Variants in MTSS1 observed in about 807,000 individuals in gnomAD.
MTSS1 encodes the protein protein MTSS 1.
Under a neutral mutation model 79.0 loss-of-function variants are expected in MTSS1, and 18 were observed. The observed-to-expected ratio is 0.23, with a 90% CI of 0.16 to 0.34. The LOEUF is 0.34. Among genes scored for constraint, MTSS1 ranks in the 10% least tolerant of loss-of-function variants. The pLI is 1.00. For synonymous variants in MTSS1, 341 were observed against 368.6 expected (o/e 0.93, Z 0.86); for missense variants, 815 against 986.2 (o/e 0.83, Z 2.33).
chr8:124,685,005 C>T (rs1826726694), intron 3 of MTSS1, among the ~76,000 whole-genome samples: 4 of 152,076 alleles, frequency 2.6e-5, no homozygotes, highest in Admixed American at 2.6e-4. Flanking sequence ...GGAGTAACTG[C>T]TTAATGAGTA....
chr8:124,726,946 G>A (rs530031425), intron 1 of MTSS1, among the ~76,000 whole-genome samples: 139 of 152,276 alleles, frequency 9.1e-4, no homozygotes, highest in Admixed American at 1.5e-3. Context: ...CAGCTCGCGC[G>A]GCTGGTTTTA....
chr8:124,591,372 T>G, intron 3 of MTSS1, 137 bp from the exon 4 acceptor site: 1 of 680,392 alleles, frequency 1.5e-6, no homozygotes. Context: ...CTTCTCACCA[T>G]GCCCATGTGT....
rs115121434 is a variant in MTSS1 at position 124,688,776 on chromosome 8, C to G, written c.208+10750G>C. 2.3e-3 allele frequency among the ~76,000 whole-genome samples: 344 copies of G among 152,306 alleles called. 1 individual carries two copies. Among genetic ancestry groups the G allele is most frequent in the African/African-American group, 8.0e-3 (332 of 41,574 alleles). On this transcript the variant is annotated intron_variant, in intron 3 of 13. Transcript: ENST00000518547. ...GAAACCAAGAAGTCAGAGCCAACAA[C>G]TGCTTAGGTGGTTTTTAAGGGAAAT...
intron 3 of MTSS1, among the ~76,000 whole-genome samples, chr8:124,670,374 C>T (rs113508816): frequency 1.2e-4 from 13 of 110,330 alleles, no homozygotes; most frequent in African/African-American, 1.4e-4. Flanking sequence ...CTCAGGCGGG[C>T]GGCACCCCAC....
At chr8:124,643,966 G>A (rs1218777046) in intron 3 of MTSS1, among the ~76,000 whole-genome samples, 1 of 151,888 alleles carries the variant, frequency 6.6e-6, no homozygotes, top group Non-Finnish European at 1.5e-5. Flanking sequence ...TGTGGGTGTG[G>A]GTATGTGTCT....
intron 3 of MTSS1, among the ~76,000 whole-genome samples, chr8:124,666,614 T>C (rs1823138310): frequency 6.6e-6 from 1 of 152,144 alleles, no homozygotes; most frequent in African/African-American, 2.4e-5. Flanking sequence ...TGTACCTTTC[T>C]AGGGAGGCAG....
At chr8:124,607,538 T>C (rs1182641885) in intron 3 of MTSS1, among the ~76,000 whole-genome samples, 1 of 152,158 alleles carries the variant, frequency 6.6e-6, no homozygotes, top group Non-Finnish European at 1.5e-5. Flanking sequence ...CTTTTACCAT[T>C]CAACAGAGAA....
rs1833831920 is a variant in MTSS1, at chr8:124,727,123, C to A, written c.72+761G>T. 6.6e-6 allele frequency among the ~76,000 whole-genome samples: 1 copy of A among 152,148 alleles called. No homozygotes were observed. The highest frequency in any genetic ancestry group is 1.5e-5 in the Non-Finnish European group (1 of 68,006). ...ACACACACATGCACGCGCGCACACACACACCATCTTCACAACCCTTCCAAG... is the reference window on the plus strand; with the variant it reads ...ACACACACATGCACGCGCGCACACAAACACCATCTTCACAACCCTTCCAAG... On this transcript the variant is annotated intron_variant, in intron 1 of 13. Coordinates refer to ENST00000518547, the MANE Select transcript of MTSS1 (RefSeq NM_014751.6). The surrounding 1 kb of genome is among the most constrained non-coding windows in gnomAD (Gnocchi z 4.7).
chr8:124,593,877 G>A (rs1205398440), intron 3 of MTSS1, among the ~76,000 whole-genome samples: 1 of 152,174 alleles, frequency 6.6e-6, no homozygotes, highest in Non-Finnish European at 1.5e-5. Context: ...GAGCAGAGAC[G>A]AGAGCCTAGA....
chr8:124,642,550 G>A (rs934211142), intron 3 of MTSS1, among the ~76,000 whole-genome samples: 1 of 152,124 alleles, frequency 6.6e-6, no homozygotes, highest in African/African-American at 2.4e-5. Context: ...GGAAATATGA[G>A]TTGTTAAGAC....
At chr8:124,615,556 G>A (rs1836687627) in intron 3 of MTSS1, among the ~76,000 whole-genome samples, 1 of 152,118 alleles carries the variant, frequency 6.6e-6, no homozygotes, top group African/African-American at 2.4e-5. Flanking sequence ...GTGGTTATCA[G>A]GCACTGGGGG....
intron 3 of MTSS1, among the ~76,000 whole-genome samples, chr8:124,593,899 C>T (rs1422450506): frequency 6.6e-6 from 1 of 152,144 alleles, no homozygotes; most frequent in Non-Finnish European, 1.5e-5. Flanking sequence ...CAATGTACAC[C>T]AAACTTATTG....
In MTSS1 at chr8:124,565,721, C is replaced by A; in HGVS notation, c.765G>T (p.Ser255=). The stretch of plus-strand genomic sequence containing the variant: ...TGGGGGAAGAGGGTGGCGTCTGATA[C>A]GACCAGCTGTAATCAGAACCTTTCA... The part of the protein sequence containing the change: ...LDLKGSDYSW[S]YQTPPSSPST... Residue 255 remains serine, a synonymous_variant, in exon 9 of 14, where the codon TCG becomes TCT. Transcript: ENST00000518547. 6.2e-7 allele frequency: 1 copy of A among 1,613,984 alleles called. No individual in the cohort carries two copies. The highest frequency in any genetic ancestry group is 1.3e-5 in the African/African-American group (1 of 74,998).
At chr8:124,585,012 G>T (rs1043275371) in intron 6 of MTSS1, 75 bp downstream of exon 6, 9 of 1,288,716 alleles carry the variant, frequency 7.0e-6, no homozygotes, top group African/African-American at 3.0e-5. Context: ...TCTCTGAAGT[G>T]AACACCTTTC....
chr8:124,599,629 G>A (rs918206150), intron 3 of MTSS1, among the ~76,000 whole-genome samples: 4 of 150,658 alleles, frequency 2.7e-5, no homozygotes, highest in Non-Finnish European at 4.4e-5. Context: ...GCCTGTGACT[G>A]TATCAGGAAT....
At chr8:124,704,265 T>G in intron 1 of MTSS1, 74 bp from the exon 2 acceptor site, 1 of 1,275,284 alleles carries the variant, frequency 7.8e-7, no homozygotes, top group Non-Finnish European at 1.1e-6. Flanking sequence ...GAGCACCCAA[T>G]TCCAATCATG....
In MTSS1 at chr8:124,568,438, C is replaced by T. The variant is rs780388366; in HGVS notation, c.559G>A (p.Ala187Thr). 1 of 1,614,064 alleles carries T rather than the reference C, an allele frequency of 6.2e-7. No homozygotes were observed. Among genetic ancestry groups the T allele is most frequent in the African/African-American group, 1.3e-5 (1 of 74,920 alleles). The change falls in exon 7 of 14, where the codon GCT becomes ACT. Residue 187 changes from alanine to threonine, a missense_variant. By Grantham distance (58) the Ala-to-Thr change is moderately conservative (BLOSUM62 0). Coordinates refer to ENST00000518547, the MANE Select transcript of MTSS1 (RefSeq NM_014751.6). ...AATCGGCCACGTTCTTCAATCAAAG[C>T]CTTCCGGACAGCCTGCTTTTCTGTT... ...EETEKQAVRK[A>T]LIEERGRFCT...
intron 5 of MTSS1, among the ~76,000 whole-genome samples, chr8:124,588,727 TA>T (rs1831307088): frequency 6.6e-6 from 1 of 152,190 alleles, no homozygotes; most frequent in African/African-American, 2.4e-5. Flanking sequence ...TTTGGAGGGT[TA>T]GGGGGAGGCA....
At chr8:124,628,771 C>A (rs1321840624) in intron 3 of MTSS1, among the ~76,000 whole-genome samples, 1 of 152,162 alleles carries the variant, frequency 6.6e-6, no homozygotes, top group African/African-American at 2.4e-5. Context: ...TCGCAACAAC[C>A]CTCTGAGGCA....
Sources: allele counts gnomAD v4.1 joint callset (sites outside exome capture counted in the v4.1 genomes callset), GRCh38; gene constraint gnomAD v4.1.1; non-coding constraint Gnocchi (gnomAD v3.1); transcripts MANE v1.5; gene names NCBI Gene and HGNC (gene_info 2026-07-23, HGNC 2026-07-21).